Variants in DMXL2 observed in about 807,000 individuals in gnomAD.
DMXL2 encodes the protein dmX-like protein 2.
In DMXL2, 103 loss-of-function variants were observed where a neutral mutation model predicts 331.1. The observed-to-expected ratio is 0.31, with a 90% CI of 0.27 to 0.37. DMXL2 has a LOEUF of 0.37. Ranked by LOEUF, DMXL2 falls within the 10% of genes least tolerant of loss-of-function variation. The probability of loss-of-function intolerance (pLI) is 1.00; values close to 1 mark genes in which losing one functional copy is unlikely to be tolerated. For missense variants in DMXL2, 3,171 were observed against 3,642.9 expected, an observed-to-expected ratio of 0.87 and a Z score of 3.33; for synonymous variants, 1,281 against 1,252.1, an observed-to-expected ratio of 1.02 and a Z score of -0.49.
At chr15:51,566,231 GGGTGTGTGTGTGTGTGT>G (rs2050266542) in intron 3 of DMXL2, among the ~76,000 whole-genome samples, 17 of 94,702 alleles carry the variant, frequency 1.8e-4, no homozygotes, top group African/African-American at 6.4e-4. Context: ...TGTGTGTGTG[GGGTGTGTGTGTGTGTGT>G]GTGTGTGTGT....
chr15:51,562,423 G>A (rs971517623), intron 6 of DMXL2, among the ~76,000 whole-genome samples: 2 of 152,064 alleles, frequency 1.3e-5, no homozygotes, highest in Non-Finnish European at 2.9e-5. Flanking sequence ...CAAGAAAAAA[G>A]GAAGATAAAT....
intron 33 of DMXL2, chr15:51,460,578 C>CTA: frequency 7.2e-6 from 1 of 139,606 alleles, no homozygotes; most frequent in East Asian, 2.1e-4. Flanking sequence ...AAATATATAA[C>CTA]TTCAGCATTT....
At chr15:51,610,833 G>C (rs538248697) in intron 1 of DMXL2, among the ~76,000 whole-genome samples, 1 of 151,534 alleles carries the variant, frequency 6.6e-6, no homozygotes, top group African/African-American at 2.4e-5. Flanking sequence ...AAGACTAGAA[G>C]TACATACCGC....
intron 42 of DMXL2, 129 bp from the exon 43 acceptor site, chr15:51,450,475 G>C: frequency 1.1e-6 from 1 of 900,144 alleles, no homozygotes; most frequent in Non-Finnish European, 1.7e-6. Context: ...TTATTGTTTT[G>C]TAAGTCATTG....
At chr15:51,472,039 GAA>G (rs2041162666) in intron 28 of DMXL2, among the ~76,000 whole-genome samples, 1 of 152,156 alleles carries the variant, frequency 6.6e-6, no homozygotes, top group Non-Finnish European at 1.5e-5. Flanking sequence ...GAGGAAGATG[GAA>G]GATGACATAA....
At chr15:51,463,552 A>AT in intron 32 of DMXL2, 56 bp from the exon 33 acceptor site, 1 of 990,268 alleles carries the variant, frequency 1.0e-6, no homozygotes, top group Non-Finnish European at 1.5e-6. Context: ...ATATGTTTAT[A>AT]TTTGCAGATA....
chr15:51,560,563 C>G (rs573500657), intron 6 of DMXL2, among the ~76,000 whole-genome samples: 263 of 147,630 alleles, frequency 1.8e-3, no homozygotes, highest in African/African-American at 6.2e-3. Flanking sequence ...CACCTGTATT[C>G]CCAGCTGAGG....
chr15:51,457,692 T>G, intron 36 of DMXL2: 1 of 441,310 alleles, frequency 2.3e-6, no homozygotes, highest in Non-Finnish European at 4.0e-6. Context: ...GACAACTTTA[T>G]TGCTGCACAA....
At chr15:51,581,981 A>C (rs1374585415) in intron 1 of DMXL2, among the ~76,000 whole-genome samples, 1 of 152,132 alleles carries the variant, frequency 6.6e-6, no homozygotes, top group Non-Finnish European at 1.5e-5. Context: ...CTATATCAAG[A>C]GTGTTACTAT....
chr15:51,579,167 C>T (rs969985877), intron 1 of DMXL2, among the ~76,000 whole-genome samples: 1 of 152,122 alleles, frequency 6.6e-6, no homozygotes, highest in African/African-American at 2.4e-5. Flanking sequence ...AAACCCCCTA[C>T]CAAACTAGTA....
In DMXL2 at chr15:51,599,994, C is replaced by A. The variant is rs749794254; in HGVS notation, c.87+22465G>T. Among the ~76,000 whole-genome samples the A allele has an allele frequency of 1.5e-4, 22 of 151,690 alleles. No individual in the cohort carries two copies. The East Asian group carries it at 3.9e-3, about 27-fold the overall frequency. Reference sequence around the variant, plus strand: ...GATTACAGGTGTGACCCATTGCACCCGGCTGCCTTCCCACTTTCTACACTT... The same window carrying A: ...GATTACAGGTGTGACCCATTGCACCAGGCTGCCTTCCCACTTTCTACACTT... On this transcript the variant is annotated intron_variant, in intron 1 of 43. Coordinates refer to ENST00000560891, the MANE Select transcript of DMXL2 (RefSeq NM_001378457.1).
intron 17 of DMXL2, 54 bp downstream of exon 17, chr15:51,502,752 T>G: frequency 8.6e-7 from 1 of 1,157,120 alleles, no homozygotes; most frequent in Non-Finnish European, 1.3e-6. Flanking sequence ...CACTAAAGAG[T>G]TCATATATTT....
chr15:51,531,067 T>G (rs1301458234), intron 13 of DMXL2, among the ~76,000 whole-genome samples: 1 of 152,170 alleles, frequency 6.6e-6, no homozygotes, highest in Admixed American at 6.5e-5. Context: ...AGACCCAGAA[T>G]AGCCAAAGCT....
At chr15:51,538,960 A>G (rs1169323728) in intron 9 of DMXL2, among the ~76,000 whole-genome samples, 2 of 152,176 alleles carry the variant, frequency 1.3e-5, no homozygotes, top group East Asian at 3.8e-4. Flanking sequence ...CTGTAATCCT[A>G]GCATTTTGGG....
chr15:51,571,138 A>C (rs146519708), intron 2 of DMXL2, among the ~76,000 whole-genome samples: 3 of 152,362 alleles, frequency 2.0e-5, no homozygotes, highest in African/African-American at 7.2e-5. Flanking sequence ...TTGCAATCAT[A>C]GTCTCTGATA....
intron 28 of DMXL2, among the ~76,000 whole-genome samples, chr15:51,472,749 CT>C (rs1450378854): frequency 6.6e-6 from 1 of 152,194 alleles, no homozygotes; most frequent in Non-Finnish European, 1.5e-5. Flanking sequence ...ATATACCACA[CT>C]TTGTTGATCC....
chr15:51,556,006 T>C (rs1314819859), intron 6 of DMXL2, among the ~76,000 whole-genome samples: 1 of 151,906 alleles, frequency 6.6e-6, no homozygotes, highest in Non-Finnish European at 1.5e-5. Context: ...AACGGGAAAA[T>C]TATTGGCCGA....
At position 51,455,097 on chromosome 15, in the gene DMXL2, T is replaced by C. The variant is rs1295743345; in HGVS notation, c.8604+54A>G. On this transcript the variant is annotated intron_variant, in intron 40 of 43. Coordinates refer to ENST00000560891, the MANE Select transcript of DMXL2 (RefSeq NM_001378457.1). ...GAGATTCACTGTCTGAAACAGACAC[T>C]TCATGAACAAAGTGTTGTGTATATG... 4 of 1,399,414 alleles carry C rather than the reference T, an allele frequency of 2.9e-6. No homozygotes were observed. In the East Asian group the frequency reaches 9.1e-5, roughly 32 times the overall value. The allele number at this position is 1,399,414 out of a possible 1,614,324, so 86.7% of individuals were successfully genotyped here.
At chr15:51,514,675 C>A (rs2046934501) in intron 14 of DMXL2, 116 bp from the exon 15 acceptor site, 1 of 657,568 alleles carries the variant, frequency 1.5e-6, no homozygotes, top group East Asian at 2.9e-5. Flanking sequence ...AATTTCTATT[C>A]TTTACCACTA....
Sources: gnomAD v4.1 joint callset for allele counts (sites outside exome capture counted in the v4.1 genomes callset) on GRCh38, gnomAD v4.1.1 for gene constraint, MANE v1.5 for transcripts, NCBI Gene and HGNC (gene_info 2026-07-23, HGNC 2026-07-21) for gene names.